The following LIMCH1 variants were observed in gnomAD, a reference collection of about 807,000 sequenced individuals.
The protein encoded by LIMCH1 is LIM and calponin homology domains 1.
In LIMCH1, 113 loss-of-function variants were observed where a neutral mutation model predicts 176.5. The ratio of observed to expected loss-of-function variants is 0.64; its 90% CI spans 0.55 to 0.75. The LOEUF (loss-of-function observed/expected upper bound fraction) is 0.75, where lower values mean the gene tolerates loss of function less well. LIMCH1 is among the 30% of genes least tolerant of loss of function. The pLI, the probability that LIMCH1 is intolerant of heterozygous loss-of-function variation, is 0.00. For synonymous variants in LIMCH1, 619 were observed against 645.9 expected, an observed-to-expected ratio of 0.96 and a Z score of 0.63; for missense variants, 1,674 against 1,814.9, an observed-to-expected ratio of 0.92 and a Z score of 1.41.
At chr4:41,543,039 T>C (rs1222723180) in intron 1 of LIMCH1, among the ~76,000 whole-genome samples, 3 of 152,238 alleles carry the variant, frequency 2.0e-5, no homozygotes, top group Non-Finnish European at 4.4e-5. Context: ...TTTTGGTGAC[T>C]AATATGTTGA....
chr4:41,389,515 C>T (rs773178339), intron 1 of LIMCH1: 14 of 171,820 alleles, frequency 8.1e-5, no homozygotes, highest in East Asian at 2.9e-4. Context: ...GTCTGTGGGC[C>T]GCAGTTGTTG....
At chr4:41,609,707 A>G (rs2091194534) in intron 4 of LIMCH1, 1 of 454,528 alleles carries the variant, frequency 2.2e-6, no homozygotes, top group Admixed American at 2.4e-5. Flanking sequence ...TCACCCCTTC[A>G]TTAACATACT....
chr4:41,409,108 A>T (rs1581695151), intron 1 of LIMCH1, among the ~76,000 whole-genome samples: 1 of 152,194 alleles, frequency 6.6e-6, no homozygotes, highest in East Asian at 1.9e-4. Context: ...ACTTTTTATT[A>T]CATAAGCTGA....
intron 1 of LIMCH1, among the ~76,000 whole-genome samples, chr4:41,571,891 A>G (rs2083620783): frequency 6.6e-6 from 1 of 152,150 alleles, no homozygotes; most frequent in Non-Finnish European, 1.5e-5. Context: ...CTTATTAGGT[A>G]TTTACCAGAG....
At chr4:41,582,289 G>T (rs771419253) in intron 1 of LIMCH1, among the ~76,000 whole-genome samples, 2 of 152,176 alleles carry the variant, frequency 1.3e-5, no homozygotes, top group Non-Finnish European at 2.9e-5. Flanking sequence ...GTGGTGCCAA[G>T]GAATCATGAT....
At chr4:41,431,865 A>G (rs2061632911) in intron 1 of LIMCH1, among the ~76,000 whole-genome samples, 1 of 152,224 alleles carries the variant, frequency 6.6e-6, no homozygotes, top group African/African-American at 2.4e-5. Context: ...ATACTATAGG[A>G]GAAGAAAACA....
At chr4:41,499,879 C>G (rs1449380932) in intron 2 of LIMCH1, among the ~76,000 whole-genome samples, 1 of 152,206 alleles carries the variant, frequency 6.6e-6, no homozygotes, top group Non-Finnish European at 1.5e-5. Context: ...GTTACCATGC[C>G]TCTTTAGCTT....
At chr4:41,581,053 A>T (rs1476124322) in intron 1 of LIMCH1, among the ~76,000 whole-genome samples, 2 of 152,182 alleles carry the variant, frequency 1.3e-5, no homozygotes, top group East Asian at 3.8e-4. Flanking sequence ...AGACGGTTAC[A>T]GAGATAACCT....
At chr4:41,483,690 T>C (rs1423985930) in intron 1 of LIMCH1, among the ~76,000 whole-genome samples, 2 of 152,198 alleles carry the variant, frequency 1.3e-5, no homozygotes, top group Non-Finnish European at 2.9e-5. Flanking sequence ...GCTTTTGGTC[T>C]TTGTTCAAAT....
At chr4:41,611,762 T>C (rs527393962) in intron 4 of LIMCH1, among the ~76,000 whole-genome samples, 40 of 152,352 alleles carry the variant, frequency 2.6e-4, no homozygotes, top group Admixed American at 8.5e-4. Context: ...AAGTGTTCAA[T>C]AAAAGTGACC....
intron 25 of LIMCH1, 109 bp from the exon 26 acceptor site, chr4:41,682,224 A>G: frequency 2.7e-6 from 2 of 732,554 alleles, no homozygotes; most frequent in Non-Finnish European, 4.1e-6. Flanking sequence ...TGTTCTTTAA[A>G]TTATAGGTAA....
chr4:41,643,300 G>C (rs1157304894), intron 14 of LIMCH1, among the ~76,000 whole-genome samples: 1 of 152,036 alleles, frequency 6.6e-6, no homozygotes, highest in African/African-American at 2.4e-5. Flanking sequence ...GGAATTCTTT[G>C]GTGTCTAAGT....
intron 2 of LIMCH1, among the ~76,000 whole-genome samples, chr4:41,503,031 A>ATCCATCCG (rs1364800307): frequency 6.6e-6 from 1 of 151,714 alleles, no homozygotes; most frequent in Non-Finnish European, 1.5e-5. Flanking sequence ...CCATCCATCC[A>ATCCATCCG]TCCATCCATC....
intron 1 of LIMCH1, among the ~76,000 whole-genome samples, chr4:41,433,714 G>A: frequency 6.7e-6 from 1 of 150,294 alleles, no homozygotes; most frequent in East Asian, 1.9e-4. Context: ...TTATAAAGCT[G>A]TCAGTCTTCT....
chr4:41,619,492 G>A, intron 6 of LIMCH1, 52 bp downstream of exon 6: 2 of 1,594,794 alleles, frequency 1.3e-6, no homozygotes, highest in Non-Finnish European at 1.7e-6. Context: ...GAGTGGTTTG[G>A]GAACTGCAGC....
intron 1 of LIMCH1, chr4:41,389,318 G>A (rs1253206601): frequency 6.6e-6 from 1 of 152,508 alleles, no homozygotes; most frequent in Non-Finnish European, 1.5e-5. Context: ...CCAATTTGAG[G>A]TGGTACCTTA....
intron 1 of LIMCH1, among the ~76,000 whole-genome samples, chr4:41,481,359 A>G (rs2068587657): frequency 6.6e-6 from 1 of 152,210 alleles, no homozygotes; most frequent in Admixed American, 6.5e-5. Flanking sequence ...GCTGGGTGAA[A>G]GGAGAACTGA....
chr4:41,452,708 C>G (rs566326365), intron 1 of LIMCH1, among the ~76,000 whole-genome samples: 3 of 152,180 alleles, frequency 2.0e-5, no homozygotes, highest in Admixed American at 2.0e-4. Flanking sequence ...TCTTCTGCAC[C>G]GCAAGGCCAG....
chr4:41,517,450 T>G (rs1297362048), intron 2 of LIMCH1, among the ~76,000 whole-genome samples: 2 of 152,166 alleles, frequency 1.3e-5, no homozygotes, highest in Non-Finnish European at 2.9e-5. Flanking sequence ...CTCAACTTCT[T>G]GGAATTCCAA....
Sources: gnomAD v4.1 joint callset for allele counts (sites outside exome capture counted in the v4.1 genomes callset) on GRCh38, gnomAD v4.1.1 for gene constraint, MANE v1.5 for transcripts, NCBI Gene and HGNC (gene_info 2026-07-23, HGNC 2026-07-21) for gene names.